The following EXOSC6 variants were observed in gnomAD, a reference collection of about 807,000 sequenced individuals.
EXOSC6 encodes the protein exosome component 6.
Under a neutral mutation model 16.7 loss-of-function variants are expected in EXOSC6, and 21 were observed. The observed-to-expected ratio is 1.26, with a 90% CI of 0.89 to 1.82. The LOEUF (loss-of-function observed/expected upper bound fraction) is 1.82. EXOSC6 is among the 40% of genes most tolerant of loss of function. The pLI, the probability that EXOSC6 is intolerant of heterozygous loss-of-function variation, is 0.00. For synonymous variants in EXOSC6, 297 were observed against 217.1 expected (o/e 1.37, Z -3.24); for missense variants, 538 against 415.7 (o/e 1.29, Z -2.56).
Position 70,251,313 on chromosome 16 carries a change from G to A in EXOSC6, c.588C>T (p.Leu196=), listed in dbSNP as rs1040057585. The A allele has an allele frequency of 1.6e-5, 22 of 1,393,626 alleles. No individual in the cohort carries two copies. Among genetic ancestry groups the A allele is most frequent in the South Asian group, 3.2e-5 (2 of 63,010 alleles). 86.3% of individuals were successfully genotyped at this position (1,393,626 alleles called of 1,614,324 possible). ...CTTCCTCGAGCCGCGTGGGGTCCAGGAGCCAGGTGGGCGCGGGCCCCGGCG... is the reference window on the plus strand; with the variant it reads ...CTTCCTCGAGCCGCGTGGGGTCCAGAAGCCAGGTGGGCGCGGGCCCCGGCG... The part of the protein sequence containing the change: ...SLAPGPAPTW[L]LDPTRLEEER... The change falls in exon 1 of 1, where the codon CTC becomes CTT. Residue 196 remains leucine, a synonymous_variant. Coordinates refer to ENST00000435634, the MANE Select transcript of EXOSC6 (RefSeq NM_058219.3).
In EXOSC6 at chr16:70,251,089, TGGGCGGCGGCGCCCCTGCGGC is replaced by T. The variant is rs1254119287; in HGVS notation, c.791_811del (p.Arg264_Ala270del). 3 of 1,479,542 alleles carry T rather than the reference TGGGCGGCGGCGCCCCTGCGGC, an allele frequency of 2.0e-6. No homozygotes were observed. The African/African-American group carries it at 4.4e-5, about 22-fold the overall frequency. The allele number at this position is 1,479,542 out of a possible 1,614,324, so 91.7% of individuals were successfully genotyped here. The stretch of plus-strand genomic sequence containing the variant: ...GTTGCTCAGGCTTCTGGTTCAGGGC[TGGGCGGCGGCGCCCCTGCGGC>T]GGGCGGCCCGCACCAGGCTCTGCTG... On this transcript the variant is annotated inframe_deletion, in exon 1 of 1. Coordinates refer to ENST00000435634, the MANE Select transcript of EXOSC6 (RefSeq NM_058219.3).
chr16:70,251,468 C>A lies in EXOSC6; in HGVS notation c.433G>T (p.Glu145Ter), dbSNP rs1272805104. 7.5e-7 allele frequency: 1 copy of A among 1,328,106 alleles called. No homozygotes were observed. Among genetic ancestry groups the A allele is most frequent in the South Asian group, 1.9e-5 (1 of 52,352 alleles). 82.3% of individuals were successfully genotyped at this position (1,328,106 alleles called of 1,614,324 possible). ...RLGRYPRAQL[E>*]VSALLLEDGG... The stretch of plus-strand genomic sequence containing the variant: ...TCCTCCAGCAGCAGCGCCGACACCT[C>A]GAGCTGCGCGCGCGGGTAGCGGCCC... The change falls in exon 1 of 1, where the codon GAG becomes TAG. Residue 145 changes from glutamate (E) to a stop codon, truncating the protein, a stop_gained. Transcript: ENST00000435634. LOFTEE classifies it high-confidence loss of function.
In EXOSC6 at chr16:70,246,911, C is replaced by T. The variant is rs1460086005; in HGVS notation, c.*4171G>A. 5.3e-6 allele frequency: 3 copies of T among 567,722 alleles called. No individual in the cohort carries two copies. Among genetic ancestry groups the T allele is most frequent in the Non-Finnish European group, 6.7e-6 (2 of 300,048 alleles). The allele number at this position is 567,722 out of a possible 1,614,324, so 35.2% of individuals were successfully genotyped here. On this transcript the variant is annotated 3_prime_UTR_variant, in exon 1 of 1. Transcript: ENST00000435634. Reference sequence around the variant, plus strand: ...CTCAAAGGAGCAGAGGCATTGTTTTCCATCTGATTCCTCAGTTCCTCACAC... The same window carrying T: ...CTCAAAGGAGCAGAGGCATTGTTTTTCATCTGATTCCTCAGTTCCTCACAC...
In EXOSC6 at chr16:70,251,717, C is replaced by T; in HGVS notation, c.184G>A (p.Val62Met). The T allele has an allele frequency of 1.4e-6, 2 of 1,390,028 alleles. No individual in the cohort carries two copies. The highest frequency in any genetic ancestry group is 1.8e-6 in the Non-Finnish European group (2 of 1,083,122). 86.1% of individuals were successfully genotyped at this position (1,390,028 alleles called of 1,614,324 possible). A position where few individuals can be genotyped will look rare whatever the true frequency, so the allele number is the denominator to read the frequency against. The part of the protein sequence containing the change: ...SAYLEAGGTK[V>M]LCAVSGPRQA... Reference sequence around the variant, plus strand: ...CGCGGGCCCGACACGGCACACAGCACCTTGGTGCCTCCCGCCTCCAGGTAG... The same window carrying T: ...CGCGGGCCCGACACGGCACACAGCATCTTGGTGCCTCCCGCCTCCAGGTAG... Residue 62 changes from valine to methionine, a missense_variant, in exon 1 of 1, where the codon GTG (valine) becomes ATG (methionine). Transcript: ENST00000435634.
In EXOSC6 at chr16:70,248,163, A is replaced by C. The variant is rs1224186572; in HGVS notation, c.*2919T>G. ...TCATTTAAAAGACATCTTAGGGGTA[A>C]TTACAGAAATTTGAATATAGAACAC... On this transcript the variant is annotated 3_prime_UTR_variant, in exon 1 of 1. Transcript: ENST00000435634. 1 of 152,236 alleles carries C rather than the reference A, an allele frequency of 6.6e-6. No individual in the cohort carries two copies. The highest frequency in any genetic ancestry group is 1.5e-5 in the Non-Finnish European group (1 of 68,036). The allele number at this position is 152,236 out of a possible 1,614,324, so 9.4% of individuals were successfully genotyped here.
Position 70,251,589 on chromosome 16 carries a change from G to C in EXOSC6, c.312C>G (p.Pro104=), listed in dbSNP as rs574100322. ...GAGCGCGGCGCCGGCGGCCCGCGAA[G>C]GGTGCGCGGCGGAAGTCGCAGAGCA... ...GRLLCDFRRA[P]FAGRRRRAPP... Residue 104 remains proline (P), a synonymous_variant, in exon 1 of 1, where the codon CCC becomes CCG. Coordinates refer to ENST00000435634, the MANE Select transcript of EXOSC6 (RefSeq NM_058219.3). 2,473 of 1,083,912 alleles carry C rather than the reference G, an allele frequency of 2.3e-3. 49 individuals are homozygous for C. The African/African-American group carries it at 0.039, about 17-fold the overall frequency. The allele number at this position is 1,083,912 out of a possible 1,614,324, so 67.1% of individuals were successfully genotyped here. A position where few individuals can be genotyped will look rare whatever the true frequency, so the allele number is the denominator to read the frequency against.
In EXOSC6 at chr16:70,251,372, A is replaced by T. The variant is rs761440746; in HGVS notation, c.529T>A (p.Tyr177Asn). Reference sequence around the variant, plus strand: ...AGGCCGCAGCCCACCACCAGGTCGTACATCTCCACGCCCGCGTCGGCCAGG... The same window carrying T: ...AGGCCGCAGCCCACCACCAGGTCGTTCATCTCCACGCCCGCGTCGGCCAGG... ...LALADAGVEM[Y>N]DLVVGCGLSL... Residue 177 changes from tyrosine to asparagine, a missense_variant, in exon 1 of 1, where the codon TAC (tyrosine) becomes AAC (asparagine). Transcript: ENST00000435634. 2.2e-6 allele frequency: 3 copies of T among 1,377,320 alleles called. No homozygotes were observed. The highest frequency in any genetic ancestry group is 1.9e-6 in the Non-Finnish European group (2 of 1,071,234). 85.3% of individuals were successfully genotyped at this position (1,377,320 alleles called of 1,614,324 possible).
chr16:70,251,276 C>T lies in EXOSC6; in HGVS notation c.625G>A (p.Ala209Thr). The change falls in exon 1 of 1, where the codon GCC (alanine) becomes ACC (threonine). Residue 209 changes from alanine (A) to threonine (T), a missense_variant. Coordinates refer to ENST00000435634, the MANE Select transcript of EXOSC6 (RefSeq NM_058219.3). ...PTRLEEERAA[A>T]GLTVALMPVL... The stretch of plus-strand genomic sequence containing the variant: ...GGCATGAGCGCCACGGTGAGGCCGG[C>T]GGCGGCGCGCTCTTCCTCGAGCCGC... 6.9e-7 allele frequency: 1 copy of T among 1,442,620 alleles called. No individual in the cohort carries two copies. Among genetic ancestry groups the T allele is most frequent in the Non-Finnish European group, 9.1e-7 (1 of 1,103,402 alleles). The allele number at this position is 1,442,620 out of a possible 1,614,324, so 89.4% of individuals were successfully genotyped here.
At position 70,247,663 on chromosome 16, in the gene EXOSC6, A is replaced by T. The variant is rs968862771; in HGVS notation, c.*3419T>A. On this transcript the variant is annotated 3_prime_UTR_variant, in exon 1 of 1. Transcript: ENST00000435634. ...ATAATAATTGTCATTCCATTGAAAG[A>T]ATATTTATTTTGCAGCTGTTAAAAG... The T allele has an allele frequency of 3.3e-5, 5 of 152,198 alleles. No homozygotes were observed. Among genetic ancestry groups the T allele is most frequent in the Non-Finnish European group, 5.9e-5 (4 of 68,050 alleles). 9.4% of individuals were successfully genotyped at this position (152,198 alleles called of 1,614,324 possible).
At position 70,251,421 on chromosome 16, in the gene EXOSC6, G is replaced by A; in HGVS notation, c.480C>T (p.Ala160=). 3 of 1,330,464 alleles carry A rather than the reference G, an allele frequency of 2.3e-6. No homozygotes were observed. The highest frequency in any genetic ancestry group is 2.0e-5 in the South Asian group (1 of 50,258). 82.4% of individuals were successfully genotyped at this position (1,330,464 alleles called of 1,614,324 possible). A position where few individuals can be genotyped will look rare whatever the true frequency, so the allele number is the denominator to read the frequency against. ...GGGCGAGCGCGGCGGCGGTGAGCGC[G>A]GCGGCCAGGGCCGAGCCACCGTCCT... ...LLEDGGSALA[A]ALTAAALALA... Residue 160 remains alanine (A), a synonymous_variant, in exon 1 of 1, where the codon GCC becomes GCT. Transcript: ENST00000435634.
chr16:70,251,141 C>T lies in EXOSC6; in HGVS notation c.760G>A (p.Val254Met), dbSNP rs533845250. 2.6e-6 allele frequency: 4 copies of T among 1,534,274 alleles called. No individual in the cohort carries two copies. The South Asian group carries it at 3.6e-5, about 14-fold the overall frequency. ...GLEGCQRLYP[V>M]LQQSLVRAAR... is the part of the protein sequence containing the mutation. ...GCCCGCACCAGGCTCTGCTGCAGCA[C>T]GGGGTAGAGGCGCTGGCAGCCCTCG... Residue 254 changes from valine to methionine, a missense_variant, in exon 1 of 1, where the codon GTG becomes ATG. By Grantham distance (21) the Val-to-Met change is conservative. Transcript: ENST00000435634.
rs1250147934 is a variant in EXOSC6, at chr16:70,251,707, G to A, written c.194C>T (p.Ala65Val). 13 of 1,365,270 alleles carry A rather than the reference G, an allele frequency of 9.5e-6. No homozygotes were observed. Among genetic ancestry groups the A allele is most frequent in the Admixed American group, 3.9e-5 (1 of 25,530 alleles). The allele number at this position is 1,365,270 out of a possible 1,614,324, so 84.6% of individuals were successfully genotyped here. ...LEAGGTKVLC[A>V]VSGPRQAEGG... ...CTCGGCCTGTCGCGGGCCCGACACG[G>A]CACACAGCACCTTGGTGCCTCCCGC... Residue 65 changes from alanine to valine, a missense_variant, in exon 1 of 1, where the codon GCC (alanine) becomes GTC (valine). Coordinates refer to ENST00000435634, the MANE Select transcript of EXOSC6 (RefSeq NM_058219.3).
At position 70,251,754 on chromosome 16, in the gene EXOSC6, G is replaced by A; in HGVS notation, c.147C>T (p.Ala49=). 3 of 1,425,632 alleles carry A rather than the reference G, an allele frequency of 2.1e-6. No individual in the cohort carries two copies. The highest frequency in any genetic ancestry group is 2.7e-6 in the Non-Finnish European group (3 of 1,101,188). 88.3% of individuals were successfully genotyped at this position (1,425,632 alleles called of 1,614,324 possible). ...VYARAGLLSQ[A]KGSAYLEAGG... is the part of the protein sequence containing the mutation. Reference sequence around the variant, plus strand: ...CCGCCTCCAGGTAGGCCGAGCCCTTGGCCTGGCTCAGCAGCCCGGCGCGCG... The same window carrying A: ...CCGCCTCCAGGTAGGCCGAGCCCTTAGCCTGGCTCAGCAGCCCGGCGCGCG... Residue 49 remains alanine, a synonymous_variant, in exon 1 of 1, where the codon GCC becomes GCT. Transcript: ENST00000435634.
At position 70,247,730 on chromosome 16, in the gene EXOSC6, A is replaced by T. The variant is rs1291756192; in HGVS notation, c.*3352T>A. 6.6e-6 allele frequency: 1 copy of T among 152,214 alleles called. No individual in the cohort carries two copies. Among genetic ancestry groups the T allele is most frequent in the East Asian group, 1.9e-4 (1 of 5,206 alleles). The allele number at this position is 152,214 out of a possible 1,614,324, so 9.4% of individuals were successfully genotyped here. ...AAAGAAAAGCTGTGCTTTACATAGC[A>T]ATCTTATAAAAGAAATGCTAGAATC... On this transcript the variant is annotated 3_prime_UTR_variant, in exon 1 of 1. Coordinates refer to ENST00000435634, the MANE Select transcript of EXOSC6 (RefSeq NM_058219.3).
Position 70,250,045 on chromosome 16 carries a change from A to G in EXOSC6, c.*1037T>C, listed in dbSNP as rs1959772356. On this transcript the variant is annotated 3_prime_UTR_variant, in exon 1 of 1. Transcript: ENST00000435634. ...CTAGGAATTCTAGATGAATGGAATG[A>G]ATACAACTTGCTGGAAGTTCTTAGG... The G allele has an allele frequency of 6.6e-6, 1 of 152,178 alleles. No homozygotes were observed. The highest frequency in any genetic ancestry group is 6.5e-5 in the Admixed American group (1 of 15,274). The allele number at this position is 152,178 out of a possible 1,614,324, so 9.4% of individuals were successfully genotyped here. A position where few individuals can be genotyped will look rare whatever the true frequency, so the allele number is the denominator to read the frequency against.
Position 70,250,714 on chromosome 16 carries a change from C to T in EXOSC6, c.*368G>A, listed in dbSNP as rs1203072227. On this transcript the variant is annotated 3_prime_UTR_variant, in exon 1 of 1. Transcript: ENST00000435634. ...GAAAGAAAGAAGAAAAGAAAATTAG[C>T]CAGGTGTGGTTGCATGCACCTGTAG... 3.9e-5 allele frequency: 9 copies of T among 231,116 alleles called. No individual in the cohort carries two copies. In the South Asian group the frequency reaches 9.0e-4, roughly 23 times the overall value. The allele number at this position is 231,116 out of a possible 1,614,324, so 14.3% of individuals were successfully genotyped here.
chr16:70,251,246 G>A lies in EXOSC6; in HGVS notation c.655C>T (p.Leu219=), dbSNP rs1387588225. The part of the protein sequence containing the change: ...AGLTVALMPV[L]NQVAGLLGSG... ...CCCAGCAGCCCGGCCACCTGATTCAGCACAGGCATGAGCGCCACGGTGAGG... is the reference window on the plus strand; with the variant it reads ...CCCAGCAGCCCGGCCACCTGATTCAACACAGGCATGAGCGCCACGGTGAGG... The change falls in exon 1 of 1, where the codon CTG becomes TTG. Residue 219 remains leucine, a synonymous_variant. Transcript: ENST00000435634. 3 of 1,497,784 alleles carry A rather than the reference G, an allele frequency of 2.0e-6. No homozygotes were observed. The highest frequency in any genetic ancestry group is 2.9e-5 in the African/African-American group (2 of 68,744). 92.8% of individuals were successfully genotyped at this position (1,497,784 alleles called of 1,614,324 possible). A position where few individuals can be genotyped will look rare whatever the true frequency, so the allele number is the denominator to read the frequency against.
In EXOSC6 at chr16:70,249,555, A is replaced by T. The variant is rs892868527; in HGVS notation, c.*1527T>A. 1.8e-4 allele frequency: 28 copies of T among 152,210 alleles called. No homozygotes were observed. The highest frequency in any genetic ancestry group is 6.5e-4 in the African/African-American group (27 of 41,452). 9.4% of individuals were successfully genotyped at this position (152,210 alleles called of 1,614,324 possible). On this transcript the variant is annotated 3_prime_UTR_variant, in exon 1 of 1. Transcript: ENST00000435634. ...AAAAGGCTCAGAAAGACGTCGTGATATTTAGTTCTTGTCTCCCTCTACAAA... is the reference window on the plus strand; with the variant it reads ...AAAAGGCTCAGAAAGACGTCGTGATTTTTAGTTCTTGTCTCCCTCTACAAA...
Position 70,247,845 on chromosome 16 carries a change from A to T in EXOSC6, c.*3237T>A, listed in dbSNP as rs1294651804. ...CGAGGCAGGTGGATCACTTGAGGTC[A>T]GGAGTTCAAGACCAGTCTGGCCAGC... On this transcript the variant is annotated 3_prime_UTR_variant, in exon 1 of 1. Transcript: ENST00000435634. The T allele has an allele frequency of 6.6e-6, 1 of 152,246 alleles. No homozygotes were observed. The highest frequency in any genetic ancestry group is 2.4e-5 in the African/African-American group (1 of 41,442). 9.4% of individuals were successfully genotyped at this position (152,246 alleles called of 1,614,324 possible).
Sources: allele counts gnomAD v4.1 joint callset, GRCh38; gene constraint gnomAD v4.1.1; transcripts MANE v1.5; gene names NCBI Gene and HGNC (gene_info 2026-07-23, HGNC 2026-07-21).